Variants in PDZRN4 observed in about 807,000 individuals in gnomAD.
PDZRN4 encodes PDZ domain-containing RING finger protein 4.
Under a neutral mutation model 99.0 loss-of-function variants are expected in PDZRN4, and 70 were observed. That is an observed-to-expected ratio of 0.71 (90% CI 0.58 to 0.86). PDZRN4 has a LOEUF of 0.86. PDZRN4 is among the 40% of genes least tolerant of loss of function. PDZRN4 has a pLI of 0.00. For synonymous variants in PDZRN4, 551 were observed against 501.6 expected, an observed-to-expected ratio of 1.10 and a Z score of -1.32; for missense variants, 1,474 against 1,331.2, an observed-to-expected ratio of 1.11 and a Z score of -1.67.
At chr12:41,479,722 CAT>C (rs913568315) in intron 3 of PDZRN4, among the ~76,000 whole-genome samples, 1 of 152,132 alleles carries the variant, frequency 6.6e-6, no homozygotes, top group Non-Finnish European at 1.5e-5. Context: ...TTTATAGAAA[CAT>C]GTGGACATGT....
chr12:41,532,776 T>G (rs143396672), intron 5 of PDZRN4, among the ~76,000 whole-genome samples: 1 of 152,206 alleles, frequency 6.6e-6, no homozygotes, highest in Admixed American at 6.5e-5. Flanking sequence ...GGAATATTTA[T>G]ATACCAAACC....
intron 3 of PDZRN4, among the ~76,000 whole-genome samples, chr12:41,260,371 T>A (rs1447324937): frequency 1.3e-5 from 2 of 152,104 alleles, no homozygotes; most frequent in African/African-American, 4.8e-5. Flanking sequence ...CCATCTTTTG[T>A]GGGTGGTCTC....
At chr12:41,330,539 C>T (rs1951736085) in intron 3 of PDZRN4, among the ~76,000 whole-genome samples, 1 of 150,310 alleles carries the variant, frequency 6.7e-6, no homozygotes, top group Admixed American at 6.6e-5. Context: ...CTAATAGTAC[C>T]TATTCCATAA....
At chr12:41,540,344 C>T (rs58667777) in intron 5 of PDZRN4, among the ~76,000 whole-genome samples, 22,052 of 151,992 alleles carry the variant, frequency 0.15, 1,695 homozygotes, top group South Asian at 0.24. Flanking sequence ...TGTTATAGTA[C>T]GGCATGGAAG....
chr12:41,496,847 C>T (rs766509192), intron 3 of PDZRN4, among the ~76,000 whole-genome samples: 4 of 152,104 alleles, frequency 2.6e-5, no homozygotes, highest in Admixed American at 1.3e-4. Context: ...CCTGAAACTA[C>T]AGCACTAAAC....
chr12:41,333,441 G>C (rs1951752940), intron 3 of PDZRN4, among the ~76,000 whole-genome samples: 1 of 152,098 alleles, frequency 6.6e-6, no homozygotes, highest in Admixed American at 6.6e-5. Context: ...TCCATGAATG[G>C]GGAGAGCTTG....
chr12:41,324,767 T>C (rs1260984155), intron 3 of PDZRN4, among the ~76,000 whole-genome samples: 3 of 152,104 alleles, frequency 2.0e-5, no homozygotes, highest in South Asian at 2.1e-4. Context: ...CAAGTGTGAA[T>C]TGAAAAGTGC....
At chr12:41,444,205 C>T (rs1363526763) in intron 3 of PDZRN4, among the ~76,000 whole-genome samples, 2 of 152,074 alleles carry the variant, frequency 1.3e-5, no homozygotes, top group African/African-American at 4.8e-5. Flanking sequence ...AGCTGCTGGG[C>T]GTGCTGTCAG....
chr12:41,189,059 C>G lies in PDZRN4; in HGVS notation c.604C>G (p.His202Asp), dbSNP rs908108936. The change falls in exon 1 of 10, where the codon CAC becomes GAC. Residue 202 changes from histidine (H) to aspartate (D), a missense_variant. Coordinates refer to ENST00000402685, the MANE Select transcript of PDZRN4 (RefSeq NM_001164595.2). ...YQEKFTQYMA[H>D]VRNFVGDLGG... is the part of the protein sequence containing the mutation. ...GGAGAAGTTCACCCAATACATGGCT[C>G]ACGTCCGCAACTTCGTCGGCGACCT... 4 of 1,579,330 alleles carry G rather than the reference C, an allele frequency of 2.5e-6. No homozygotes were observed. The African/African-American group carries it at 4.0e-5, about 16-fold the overall frequency.
intron 3 of PDZRN4, among the ~76,000 whole-genome samples, chr12:41,441,879 C>T (rs542958902): frequency 7.9e-5 from 12 of 152,200 alleles, no homozygotes; most frequent in Middle Eastern, 3.4e-3. Context: ...CACAGTGGCT[C>T]CCCTGGCTCT....
At chr12:41,312,115 G>C (rs1303898800) in intron 3 of PDZRN4, among the ~76,000 whole-genome samples, 2 of 151,970 alleles carry the variant, frequency 1.3e-5, no homozygotes, top group Non-Finnish European at 1.5e-5. Flanking sequence ...AACTTAAATA[G>C]TATTACTTAA....
Position 41,555,766 on chromosome 12 carries a change from T to C in PDZRN4, c.1365+6T>C. On this transcript the variant is annotated splice_donor_region_variant and intron_variant, in intron 7 of 9. Coordinates refer to ENST00000402685, the MANE Select transcript of PDZRN4 (RefSeq NM_001164595.2). ...AAGGGGATCGGATTTTGCAAGTAGG[T>C]GGTATAGTAATTTCCTTTAGTTCCC... 1 of 1,611,446 alleles carries C rather than the reference T, an allele frequency of 6.2e-7. No homozygotes were observed. The highest frequency in any genetic ancestry group is 8.5e-7 in the Non-Finnish European group (1 of 1,177,620).
At chr12:41,560,692 C>T (rs974216195) in intron 7 of PDZRN4, among the ~76,000 whole-genome samples, 2 of 152,158 alleles carry the variant, frequency 1.3e-5, no homozygotes, top group Non-Finnish European at 2.9e-5. Context: ...CAGCAGGCTG[C>T]ATTCCCACAA....
chr12:41,383,843 T>C (rs1437511102), intron 3 of PDZRN4, among the ~76,000 whole-genome samples: 1 of 152,156 alleles, frequency 6.6e-6, no homozygotes, highest in East Asian at 1.9e-4. Context: ...GAAAACCTTT[T>C]CATGGAATAG....
chr12:41,322,535 G>A lies in PDZRN4; in HGVS notation c.843+128347G>A, dbSNP rs184512028. ...AGACAGAGTCTCACTCTGTCACCCA[G>A]GCTGGAGTTCAGTGGCAGGATCTCT... On this transcript the variant is annotated intron_variant, in intron 3 of 9. Coordinates refer to ENST00000402685, the MANE Select transcript of PDZRN4 (RefSeq NM_001164595.2). 3.8e-3 allele frequency among the ~76,000 whole-genome samples: 446 copies of A among 116,612 alleles called. 5 individuals are homozygous for A. The highest frequency in any genetic ancestry group is 0.014 in the African/African-American group (427 of 29,950). 76.5% of individuals were successfully genotyped at this position (116,612 alleles called of 152,430 possible).
chr12:41,530,680 C>T (rs1330638959), intron 5 of PDZRN4, among the ~76,000 whole-genome samples: 2 of 152,178 alleles, frequency 1.3e-5, no homozygotes, highest in African/African-American at 4.8e-5. Context: ...GAAGTTAGTG[C>T]TTGAGCAATT....
intron 3 of PDZRN4, among the ~76,000 whole-genome samples, chr12:41,225,299 A>C (rs960957150): frequency 7.2e-5 from 11 of 152,284 alleles, no homozygotes; most frequent in South Asian, 2.1e-4. Flanking sequence ...TAATATCTTA[A>C]TACTTTAAAC....
At chr12:41,253,682 C>T (rs1187445508) in intron 3 of PDZRN4, among the ~76,000 whole-genome samples, 2 of 152,142 alleles carry the variant, frequency 1.3e-5, no homozygotes, top group Non-Finnish European at 2.9e-5. Flanking sequence ...AAAGATATAC[C>T]TGCACTCCCA....
Position 41,567,868 on chromosome 12 carries a change from C to G in PDZRN4, c.1553C>G (p.Ala518Gly). ...ATGTTGGAAGAAGAGCATAATGAAG[C>G]AATGCAGCCCACTGCCAATGAGGTG... The part of the protein sequence containing the change: ...LEMLEEEHNE[A>G]MQPTANEVEQ... Residue 518 changes from alanine to glycine, a missense_variant, in exon 9 of 10, where the codon GCA (alanine) becomes GGA (glycine). Coordinates refer to ENST00000402685, the MANE Select transcript of PDZRN4 (RefSeq NM_001164595.2). 1.2e-6 allele frequency: 2 copies of G among 1,611,476 alleles called. No homozygotes were observed. The highest frequency in any genetic ancestry group is 1.7e-6 in the Non-Finnish European group (2 of 1,178,234).
Sources: gnomAD v4.1 joint callset for allele counts (sites outside exome capture counted in the v4.1 genomes callset) on GRCh38, gnomAD v4.1.1 for gene constraint, MANE v1.5 for transcripts, NCBI Gene and HGNC (gene_info 2026-07-23, HGNC 2026-07-21) for gene names.